Variants in MACF1 observed in about 807,000 individuals in gnomAD.
MACF1 encodes the protein microtubule actin crosslinking factor 1, also known as microtubule-actin cross-linking factor 1.
In MACF1, 193 loss-of-function variants were observed where a neutral mutation model predicts 854.8. That is an observed-to-expected ratio of 0.23 (90% confidence interval 0.20 to 0.25). The LOEUF (loss-of-function observed/expected upper bound fraction) is 0.25, where lower values mean the gene tolerates loss of function less well. MACF1 is among the 10% of genes least tolerant of loss of function. The probability of loss-of-function intolerance (pLI) is 1.00; values close to 1 mark genes in which losing one functional copy is unlikely to be tolerated. For synonymous variants in MACF1, 3,185 were observed against 3,226.7 expected, an observed-to-expected ratio of 0.99 and a Z score of 0.44; for missense variants, 7,722 against 8,929.1, an observed-to-expected ratio of 0.86 and a Z score of 5.45.
At chr1:39,230,959 A>G (rs1387274468) in intron 1 of MACF1, among the ~76,000 whole-genome samples, 1 of 152,178 alleles carries the variant, frequency 6.6e-6, no homozygotes, top group Non-Finnish European at 1.5e-5. Context: ...CCATGGTATG[A>G]TTTTTGAGGC....
chr1:39,386,714 G>C (rs1641809562), intron 57 of MACF1, among the ~76,000 whole-genome samples: 1 of 152,142 alleles, frequency 6.6e-6, no homozygotes, highest in Non-Finnish European at 1.5e-5. Context: ...ACAGGCGTGA[G>C]CCACCGCACC....
Position 39,257,959 on chromosome 1 carries a change from T to C in MACF1, c.459T>C (p.Asn153=). ...QRQVKLVNIR[N]DDITDGNPKL... ...AGGTGAAACTAGTGAATATTCGCAA[T>C]GATGACATCACAGATGGCAACCCCA... Residue 153 remains asparagine, a synonymous_variant, in exon 6 of 101, where the codon AAT becomes AAC. Transcript: ENST00000564288. 3 of 1,613,932 alleles carry C rather than the reference T, an allele frequency of 1.9e-6. No homozygotes were observed. The highest frequency in any genetic ancestry group is 1.7e-5 in the Admixed American group (1 of 60,016).
chr1:39,304,049 T>C (rs1051444659), intron 23 of MACF1, among the ~76,000 whole-genome samples: 42 of 151,614 alleles, frequency 2.8e-4, no homozygotes, highest in Non-Finnish European at 4.0e-4. Flanking sequence ...CTTTAAGTTC[T>C]AGGGCACATG....
chr1:39,333,456 G>A lies in MACF1; in HGVS notation c.6868G>A (p.Ala2290Thr). The change falls in exon 37 of 101, where the codon GCA becomes ACA. Residue 2290 changes from alanine (A) to threonine (T), a missense_variant. Physicochemically the swap from Ala to Thr is moderately conservative, Grantham distance 58. Around this residue, in one of 15 missense-constraint regions of MACF1, gnomAD observed 1,531 missense variants for 1,601.6 expected, o/e 0.96. Coordinates refer to ENST00000564288, the MANE Select transcript of MACF1 (RefSeq NM_001394062.1). Reference protein sequence around the residue: ...LEEATLNVLSAQLLDGGIFHE... With the variant: ...LEEATLNVLSTQLLDGGIFHE... ...AGAAGCTACCTTAAATGTATTATCT[G>A]CACAGTTACTAGATGGTGGTATCTT... 6.2e-7 allele frequency: 1 copy of A among 1,614,154 alleles called. No individual in the cohort carries two copies. The highest frequency in any genetic ancestry group is 8.5e-7 in the Non-Finnish European group (1 of 1,180,016).
rs181571305 is a variant in MACF1 at position 39,448,684 on chromosome 1, G to A, written c.20179G>A (p.Glu6727Lys). 1.6e-4 allele frequency: 261 copies of A among 1,613,294 alleles called. No homozygotes were observed. The highest frequency in any genetic ancestry group is 3.7e-4 in the Admixed American group (22 of 59,958). Residue 6727 changes from glutamate to lysine, a missense_variant, in exon 84 of 101, where the codon GAA (glutamate) becomes AAA (lysine). Coordinates refer to ENST00000564288, the MANE Select transcript of MACF1 (RefSeq NM_001394062.1). ...ACTGAAAGAAAAGACTTTGCTTCCC[G>A]AAGATAGTCAGAAACTTGACAATTT... is the stretch of plus-strand genomic sequence containing the variant. Reference protein sequence around the residue: ...RALKEKTLLPEDSQKLDNFLG... With the variant: ...RALKEKTLLPKDSQKLDNFLG...
At chr1:39,479,196 A>T (rs1014479317) in intron 97 of MACF1, among the ~76,000 whole-genome samples, 10 of 152,110 alleles carry the variant, frequency 6.6e-5, no homozygotes, top group Admixed American at 3.3e-4. Flanking sequence ...ACAGTTTCTC[A>T]CTAGCAAGTT....
intron 21 of MACF1, among the ~76,000 whole-genome samples, chr1:39,298,342 T>G (rs929596657): frequency 3.3e-5 from 5 of 152,172 alleles, no homozygotes; most frequent in African/African-American, 1.2e-4. Flanking sequence ...TCAAATCAAT[T>G]TTATATTCTT....
chr1:39,463,798 T>TCAGAGAGTGAC, intron 94 of MACF1, 112 bp downstream of exon 94: 1 of 901,534 alleles, frequency 1.1e-6, no homozygotes, highest in Non-Finnish European at 1.8e-6. Flanking sequence ...TGAGATGTGG[T>TCAGAGAGTGAC]CACTCTCTGA....
chr1:39,402,257 A>C (rs938965377), intron 58 of MACF1, among the ~76,000 whole-genome samples: 3 of 152,170 alleles, frequency 2.0e-5, no homozygotes, highest in Non-Finnish European at 4.4e-5. Context: ...CATGGAAATA[A>C]CCAAGCAATT....
At chr1:39,265,584 T>C (rs1399303802) in intron 6 of MACF1, among the ~76,000 whole-genome samples, 1 of 152,254 alleles carries the variant, frequency 6.6e-6, no homozygotes, top group Non-Finnish European at 1.5e-5. Flanking sequence ...CAAAATCATG[T>C]AACACAAAGC....
intron 2 of MACF1, among the ~76,000 whole-genome samples, chr1:39,242,300 A>C (rs1003354188): frequency 1.3e-5 from 2 of 151,696 alleles, no homozygotes; most frequent in Admixed American, 6.6e-5. Flanking sequence ...TAATGAGCCG[A>C]GATAGCACCA....
chr1:39,417,445 C>T (rs1476433445), intron 58 of MACF1, among the ~76,000 whole-genome samples: 4 of 152,148 alleles, frequency 2.6e-5, no homozygotes, highest in African/African-American at 7.2e-5. Flanking sequence ...AATTCCAGTT[C>T]AGTGTTTGAA....
At chr1:39,243,446 G>C (rs935705745) in intron 2 of MACF1, among the ~76,000 whole-genome samples, 2 of 152,160 alleles carry the variant, frequency 1.3e-5, no homozygotes, top group South Asian at 4.1e-4. Context: ...CTGTTGTCCA[G>C]GCTGGAGTGC....
intron 58 of MACF1, among the ~76,000 whole-genome samples, chr1:39,402,070 G>C (rs1324644227): frequency 6.8e-6 from 1 of 146,576 alleles, no homozygotes; most frequent in Non-Finnish European, 1.5e-5. Flanking sequence ...AAATTAGCCA[G>C]GCTTGGTGGT....
At chr1:39,413,811 T>A (rs995929974) in intron 58 of MACF1, 46 of 1,607,278 alleles carry the variant, frequency 2.9e-5, no homozygotes, top group Non-Finnish European at 3.6e-5. Flanking sequence ...CAGCAGAATC[T>A]GCCTCCTTTG....
At chr1:39,417,568 ACAGAGT>A (rs1318207442) in intron 58 of MACF1, among the ~76,000 whole-genome samples, 4 of 150,782 alleles carry the variant, frequency 2.7e-5, no homozygotes, top group Admixed American at 2.6e-4. Context: ...TTTTTTTTAG[ACAGAGT>A]CTCACTCTGT....
At chr1:39,205,779 G>A (rs1480172262) in intron 1 of MACF1, among the ~76,000 whole-genome samples, 1 of 108,366 alleles carries the variant, frequency 9.2e-6, no homozygotes, top group Non-Finnish European at 1.8e-5. Context: ...TAGGGAATCA[G>A]GCTTTGATAA....
intron 31 of MACF1, 94 bp downstream of exon 31, chr1:39,319,841 C>A: frequency 1.1e-6 from 1 of 882,934 alleles, no homozygotes; most frequent in Non-Finnish European, 1.8e-6. Context: ...ACAAATTAAG[C>A]AGAGTTCTTA....
At chr1:39,451,306 C>G in intron 85 of MACF1, 95 bp downstream of exon 85, 6 of 1,248,386 alleles carry the variant, frequency 4.8e-6, no homozygotes, top group Non-Finnish European at 6.4e-6. Flanking sequence ...GCCCTTCTTT[C>G]TAGGGGAGAA....
Sources: gnomAD v4.1 joint callset for allele counts (sites outside exome capture counted in the v4.1 genomes callset) on GRCh38, gnomAD v4.1.1 for gene constraint, gnomAD v4.1.1 regional missense constraint, MANE v1.5 for transcripts, NCBI Gene and HGNC (gene_info 2026-07-23, HGNC 2026-07-21) for gene names.